MGAT4C: variants seen among roughly 807,000 people sequenced by gnomAD.
The protein encoded by MGAT4C is MGAT4 family member C.
MGAT4C carries 19 observed loss-of-function variants against 40.1 expected under a neutral mutation model. The ratio of observed to expected loss-of-function variants is 0.47; its 90% confidence interval spans 0.33 to 0.70. The LOEUF is 0.70. Ranked by LOEUF, MGAT4C falls within the 30% of genes least tolerant of loss-of-function variation. MGAT4C has a pLI of 0.02. For missense variants in MGAT4C, 491 were observed against 563.2 expected (o/e 0.87, Z 1.30); for synonymous variants, 181 against 187.1 (o/e 0.97, Z 0.27).
At chr12:85,980,490 G>C in intron 4 of MGAT4C, 60 bp from the exon 5 acceptor site, 1 of 1,428,448 alleles carries the variant, frequency 7.0e-7, no homozygotes, top group Non-Finnish European at 9.4e-7. Context: ...AAAAGTAAAA[G>C]AGAGAAGATA....
At chr12:86,497,813 T>C (rs1958265257) in intron 2 of MGAT4C, among the ~76,000 whole-genome samples, 1 of 150,290 alleles carries the variant, frequency 6.7e-6, no homozygotes, top group African/African-American at 2.4e-5. Context: ...TCAATTGCTA[T>C]AGCTCTATGC....
chr12:86,524,148 T>A (rs1958841000), intron 2 of MGAT4C, among the ~76,000 whole-genome samples: 1 of 152,212 alleles, frequency 6.6e-6, no homozygotes, highest in African/African-American at 2.4e-5. Flanking sequence ...TGGCTGGTGA[T>A]TCTGCCGACT....
At chr12:86,452,092 C>G (rs1957432301) in intron 2 of MGAT4C, among the ~76,000 whole-genome samples, 1 of 151,982 alleles carries the variant, frequency 6.6e-6, no homozygotes, top group Admixed American at 6.6e-5. Context: ...TCACCTGATT[C>G]AGTTGAGGCT....
In MGAT4C at chr12:86,420,863, GTA is replaced by G. The variant is rs141090815; in HGVS notation, c.-120+14292_-120+14293del. ...CACATATGTATATACATATATATGTGTATATATATACATACATGTATATGTGT... is the reference window on the plus strand; with the variant it reads ...CACATATGTATATACATATATATGTGTATATATACATACATGTATATGTGT... On this transcript the variant is annotated intron_variant, in intron 3 of 7. Transcript: ENST00000548651. Among the ~76,000 whole-genome samples the G allele has an allele frequency of 6.9e-5, 10 of 144,602 alleles. No homozygotes were observed. The East Asian group carries it at 7.9e-4, about 11-fold the overall frequency. 94.9% of individuals were successfully genotyped at this position (144,602 alleles called of 152,430 possible).
chr12:86,465,537 C>CA (rs903874157), intron 2 of MGAT4C, among the ~76,000 whole-genome samples: 16 of 150,756 alleles, frequency 1.1e-4, no homozygotes, highest in Non-Finnish European at 8.9e-5. Flanking sequence ...CAATAAAAAG[C>CA]AAAAAACCTG....
intron 1 of MGAT4C, among the ~76,000 whole-genome samples, chr12:86,229,083 C>A (rs1310999186): frequency 6.6e-6 from 1 of 151,718 alleles, no homozygotes; most frequent in African/African-American, 2.4e-5. Flanking sequence ...AATGATCAAT[C>A]TGAATATTAA....
At chr12:86,826,956 C>G (rs1203161924) in intron 1 of MGAT4C, among the ~76,000 whole-genome samples, 1 of 151,426 alleles carries the variant, frequency 6.6e-6, no homozygotes, top group Non-Finnish European at 1.5e-5. Flanking sequence ...CTAGACATCT[C>G]TGCTACTAAT....
chr12:86,404,377 A>T (rs940266044), intron 3 of MGAT4C, among the ~76,000 whole-genome samples: 2 of 152,202 alleles, frequency 1.3e-5, no homozygotes, highest in African/African-American at 4.8e-5. Flanking sequence ...TTATAAGGAA[A>T]AAGGGTCTTT....
rs113878110 is a variant in MGAT4C, at chr12:85,958,037, T to TTTTG, written c.*21251_*21252insCAAA. ...TTGTTTACAGTTTTTCTAAGTGTTT[T>TTTTG]TGTGTGTGTGTGTGTGTGTGTGTGT... On this transcript the variant is annotated 3_prime_UTR_variant, in exon 5 of 5. Transcript: ENST00000611864. The TTTTG allele has an allele frequency of 7.6e-6, 1 of 132,222 alleles. No homozygotes were observed. The highest frequency in any genetic ancestry group is 2.0e-4 in the East Asian group (1 of 4,980). The allele number at this position is 132,222 out of a possible 1,614,324, so 8.2% of individuals were successfully genotyped here. A position where few individuals can be genotyped will look rare whatever the true frequency, so the allele number is the denominator to read the frequency against.
intron 4 of MGAT4C, among the ~76,000 whole-genome samples, chr12:86,303,212 A>T (rs1953856993): frequency 6.6e-6 from 1 of 150,618 alleles, no homozygotes; most frequent in Non-Finnish European, 1.5e-5. Context: ...TGATATACCT[A>T]TTCTTTTAAG....
intron 1 of MGAT4C, among the ~76,000 whole-genome samples, chr12:86,196,616 T>G (rs2135919619): frequency 6.6e-6 from 1 of 152,372 alleles, no homozygotes; most frequent in East Asian, 1.9e-4. Flanking sequence ...TCTATTGTCT[T>G]GTTCTGCAGA....
intron 4 of MGAT4C, among the ~76,000 whole-genome samples, chr12:86,292,992 G>T (rs1953563999): frequency 6.6e-6 from 1 of 152,034 alleles, no homozygotes; most frequent in African/African-American, 2.4e-5. Flanking sequence ...AAAATTAGTT[G>T]GTTGCAGGTT....
intron 2 of MGAT4C, among the ~76,000 whole-genome samples, chr12:86,712,539 C>T (rs1409724058): frequency 6.6e-6 from 1 of 152,096 alleles, no homozygotes; most frequent in African/African-American, 2.4e-5. Context: ...TGAGTAAGAT[C>T]CACTTGACAA....
At chr12:86,018,770 G>C (rs913636594) in intron 2 of MGAT4C, among the ~76,000 whole-genome samples, 1 of 152,036 alleles carries the variant, frequency 6.6e-6, no homozygotes, top group Non-Finnish European at 1.5e-5. Context: ...AGGAGAGAGA[G>C]AGAGACTAAG....
At chr12:86,352,563 T>A (rs529044656) in intron 3 of MGAT4C, among the ~76,000 whole-genome samples, 5 of 152,124 alleles carry the variant, frequency 3.3e-5, no homozygotes, top group Non-Finnish European at 5.9e-5. Context: ...TCAGTACAAA[T>A]TGTACTTCCT....
Position 86,690,176 on chromosome 12 carries a change from C to T in MGAT4C, c.-229+37033G>A, listed in dbSNP as rs148921882. 8.7e-3 allele frequency among the ~76,000 whole-genome samples: 1,318 copies of T among 152,216 alleles called. 7 individuals are homozygous for T. The highest frequency in any genetic ancestry group is 0.017 in the Middle Eastern group (5 of 294). ...TGATGCCCCTCCCCCTACCAAGCAC[C>T]AGAGTCCCAGGTCGACTTCAGACTG... On this transcript the variant is annotated intron_variant, in intron 2 of 7. Transcript: ENST00000548651.
intron 3 of MGAT4C, among the ~76,000 whole-genome samples, chr12:86,406,489 T>G (rs562355003): frequency 6.6e-6 from 1 of 152,136 alleles, no homozygotes; most frequent in Non-Finnish European, 1.5e-5. Flanking sequence ...ACATGAAAAG[T>G]TGTTCAACAT....
At chr12:86,428,616 C>A (rs2136266017) in intron 3 of MGAT4C, among the ~76,000 whole-genome samples, 1 of 152,270 alleles carries the variant, frequency 6.6e-6, no homozygotes, top group South Asian at 2.1e-4. Flanking sequence ...TCTTTTCTTG[C>A]TGGGAGACTT....
intron 1 of MGAT4C, among the ~76,000 whole-genome samples, chr12:86,060,630 A>G (rs1250783378): frequency 6.6e-6 from 1 of 152,234 alleles, no homozygotes; most frequent in African/African-American, 2.4e-5. Flanking sequence ...TTCAATTTGC[A>G]GCTGTTAAAA....
Sources: allele counts gnomAD v4.1 joint callset (sites outside exome capture counted in the v4.1 genomes callset), GRCh38; gene constraint gnomAD v4.1.1; transcripts MANE v1.5; gene names NCBI Gene and HGNC (gene_info 2026-07-23, HGNC 2026-07-21).